DLGAP2: variants seen among roughly 807,000 people sequenced by gnomAD.
DLGAP2 encodes disks large-associated protein 2.
Under a neutral mutation model 100.3 loss-of-function variants are expected in DLGAP2, and 26 were observed. That is an observed-to-expected ratio of 0.26 (90% confidence interval 0.19 to 0.36). DLGAP2 has a LOEUF of 0.36. DLGAP2 is among the 10% of genes least tolerant of loss of function. The pLI is 1.00. For missense variants in DLGAP2, 1,858 were observed against 1,453.2 expected (o/e 1.28, Z -4.53); for synonymous variants, 886 against 630.1 (o/e 1.41, Z -6.08).
chr8:1,377,626 C>T (rs1475408257), intron 3 of DLGAP2, among the ~76,000 whole-genome samples: 1 of 152,218 alleles, frequency 6.6e-6, no homozygotes, highest in Non-Finnish European at 1.5e-5. Flanking sequence ...GGACATACCC[C>T]AGCCTGTCAG....
intron 3 of DLGAP2, among the ~76,000 whole-genome samples, chr8:1,373,309 C>T (rs370912211): frequency 1.2e-4 from 18 of 151,922 alleles, no homozygotes; most frequent in Admixed American, 7.2e-4. Flanking sequence ...GGGCCGCGGG[C>T]GGCAGCTGAC....
chr8:1,518,966 T>A (rs912118731), intron 4 of DLGAP2, among the ~76,000 whole-genome samples: 1 of 152,178 alleles, frequency 6.6e-6, no homozygotes, highest in African/African-American at 2.4e-5. Flanking sequence ...GAGGGTCCTG[T>A]CCATCCCAGG....
intron 1 of DLGAP2, among the ~76,000 whole-genome samples, chr8:797,154 T>A (rs1366069337): frequency 2.6e-5 from 4 of 152,318 alleles, no homozygotes; most frequent in African/African-American, 9.6e-5. Context: ...GACCCTGTAG[T>A]CACCACCCAA....
chr8:1,094,434 G>A (rs1359691190), intron 2 of DLGAP2, among the ~76,000 whole-genome samples: 1 of 152,240 alleles, frequency 6.6e-6, no homozygotes, highest in African/African-American at 2.4e-5. Flanking sequence ...TGTCAGTACA[G>A]AGAATGAATA....
intron 3 of DLGAP2, among the ~76,000 whole-genome samples, chr8:1,342,853 T>G (rs1311604136): frequency 2.6e-5 from 4 of 152,212 alleles, no homozygotes; most frequent in Non-Finnish European, 5.9e-5. Context: ...CAAGTCACAA[T>G]TCTTTCCCTT....
At chr8:824,656 T>A (rs1033372077) in intron 1 of DLGAP2, among the ~76,000 whole-genome samples, 1 of 152,052 alleles carries the variant, frequency 6.6e-6, no homozygotes, top group African/African-American at 2.4e-5. Flanking sequence ...TTCCGCCTGT[T>A]TGGGTTCACT....
At chr8:1,516,877 C>T (rs1453714504) in intron 4 of DLGAP2, among the ~76,000 whole-genome samples, 1 of 152,214 alleles carries the variant, frequency 6.6e-6, no homozygotes, top group Non-Finnish European at 1.5e-5. Context: ...GTGAAACTCC[C>T]TACAGCTTCA....
intron 3 of DLGAP2, among the ~76,000 whole-genome samples, chr8:1,493,915 G>T (rs565071672): frequency 6.6e-6 from 1 of 152,214 alleles, no homozygotes; most frequent in East Asian, 1.9e-4. Context: ...TTTCGAAAAA[G>T]GCCTGTACTA....
At chr8:1,537,936 T>C (rs559108251) in intron 4 of DLGAP2, among the ~76,000 whole-genome samples, 1 of 152,294 alleles carries the variant, frequency 6.6e-6, no homozygotes, top group East Asian at 1.9e-4. Context: ...GTCTTAAAGA[T>C]GGATGGAGTG....
At chr8:819,289 A>C (rs1796542294) in intron 1 of DLGAP2, among the ~76,000 whole-genome samples, 1 of 152,254 alleles carries the variant, frequency 6.6e-6, no homozygotes, top group Non-Finnish European at 1.5e-5. Context: ...CTATATCAAT[A>C]GATATCGTAG....
chr8:1,698,232 C>T (rs1799453833), intron 14 of DLGAP2, among the ~76,000 whole-genome samples: 1 of 152,166 alleles, frequency 6.6e-6, no homozygotes, highest in African/African-American at 2.4e-5. Context: ...GGTGGGAGTG[C>T]ACAGGGTCCA....
At chr8:1,570,614 C>G (rs766480343) in intron 6 of DLGAP2, among the ~76,000 whole-genome samples, 20 of 152,100 alleles carry the variant, frequency 1.3e-4, no homozygotes, top group African/African-American at 4.8e-4. Flanking sequence ...GCTGTGGAGG[C>G]GTCTGCTGGG....
chr8:1,433,398 G>A (rs773435727), intron 3 of DLGAP2, among the ~76,000 whole-genome samples: 10 of 152,186 alleles, frequency 6.6e-5, no homozygotes, highest in South Asian at 2.1e-4. Flanking sequence ...CCAGGCACCC[G>A]CTGCGGTGGC....
At chr8:1,349,760 C>A (rs1202120946) in intron 3 of DLGAP2, among the ~76,000 whole-genome samples, 1 of 152,218 alleles carries the variant, frequency 6.6e-6, no homozygotes, top group East Asian at 1.9e-4. Context: ...AGGATGGTGT[C>A]TTTCCCCATT....
intron 2 of DLGAP2, among the ~76,000 whole-genome samples, chr8:973,664 C>T (rs1800082359): frequency 6.6e-6 from 1 of 152,258 alleles, no homozygotes; most frequent in South Asian, 2.1e-4. Flanking sequence ...ACTCCAGCCT[C>T]TGCTTTTTCT....
At chr8:1,010,640 T>C (rs978669322) in intron 2 of DLGAP2, among the ~76,000 whole-genome samples, 3 of 152,252 alleles carry the variant, frequency 2.0e-5, no homozygotes, top group Admixed American at 6.5e-5. Flanking sequence ...CCTGCAAGAA[T>C]GGGTGAGGCT....
chr8:1,054,841 T>C (rs1453422708), intron 2 of DLGAP2, among the ~76,000 whole-genome samples: 1 of 152,234 alleles, frequency 6.6e-6, no homozygotes, highest in African/African-American at 2.4e-5. Flanking sequence ...AACCATAACT[T>C]ATCTAAAACA....
chr8:1,493,973 C>G (rs903165194), intron 3 of DLGAP2, among the ~76,000 whole-genome samples: 3 of 152,238 alleles, frequency 2.0e-5, no homozygotes, highest in African/African-American at 7.2e-5. Context: ...CGTGTTGTAT[C>G]TCCTGACCAC....
chr8:1,572,332 TG>T (rs1802752798), intron 6 of DLGAP2, among the ~76,000 whole-genome samples: 1 of 72,112 alleles, frequency 1.4e-5, no homozygotes, highest in Non-Finnish European at 2.6e-5. Flanking sequence ...GAGTGAACTG[TG>T]GGGGCGTCTT....
Sources: gnomAD v4.1 joint callset for allele counts (sites outside exome capture counted in the v4.1 genomes callset) on GRCh38, gnomAD v4.1.1 for gene constraint, MANE v1.5 for transcripts, NCBI Gene and HGNC (gene_info 2026-07-23, HGNC 2026-07-21) for gene names.